The following TMEM163 variants were observed in gnomAD, a reference collection of about 807,000 sequenced individuals.
TMEM163 encodes the protein transmembrane protein 163.
A neutral mutation model predicts 29.3 loss-of-function variants in TMEM163; 17 were observed. The ratio of observed to expected loss-of-function variants is 0.58; its 90% confidence interval spans 0.40 to 0.87. TMEM163 has a LOEUF of 0.87. Ranked by LOEUF, TMEM163 falls within the 40% of genes least tolerant of loss-of-function variation. TMEM163 has a pLI of 0.00. For missense variants in TMEM163, 303 were observed against 381.5 expected (o/e 0.79, Z 1.71); for synonymous variants, 157 against 160.6 (o/e 0.98, Z 0.17).
intron 2 of TMEM163, among the ~76,000 whole-genome samples, chr2:134,627,382 G>A (rs866895792): frequency 1.3e-5 from 2 of 152,070 alleles, no homozygotes; most frequent in African/African-American, 4.8e-5. Flanking sequence ...TAATTACCAG[G>A]CTTTTCTCTT....
At chr2:134,548,537 C>A (rs1680839985) in intron 4 of TMEM163, among the ~76,000 whole-genome samples, 1 of 152,184 alleles carries the variant, frequency 6.6e-6, no homozygotes. Context: ...TATTGAATTC[C>A]TCAAATACCC....
intron 2 of TMEM163, among the ~76,000 whole-genome samples, chr2:134,649,036 G>A (rs1568121): frequency 0.5 from 75,856 of 152,014 alleles, 19,689 homozygotes; most frequent in Non-Finnish European, 0.56. Flanking sequence ...CAGAACACTG[G>A]AGACATAATT....
chr2:134,659,769 C>A (rs1215129100), intron 2 of TMEM163, among the ~76,000 whole-genome samples: 1 of 152,004 alleles, frequency 6.6e-6, no homozygotes, highest in East Asian at 1.9e-4. Context: ...GAGAGATTAA[C>A]CCCATCTCTA....
intron 2 of TMEM163, among the ~76,000 whole-genome samples, chr2:134,633,966 CATATATATAT>C (rs535811215): frequency 0.025 from 934 of 37,518 alleles, 9 homozygotes; most frequent in Non-Finnish European, 0.052. Flanking sequence ...AAAAAAAATA[CATATATATAT>C]ATATATATAT....
chr2:134,475,997 T>G (rs1686904411), intron 5 of TMEM163, among the ~76,000 whole-genome samples: 2 of 152,220 alleles, frequency 1.3e-5, no homozygotes, highest in Non-Finnish European at 2.9e-5. Context: ...AATGAAGGCA[T>G]ACGTCCACAC....
intron 2 of TMEM163, among the ~76,000 whole-genome samples, chr2:134,572,021 C>T (rs1415462399): frequency 6.6e-6 from 1 of 152,204 alleles, no homozygotes; most frequent in Non-Finnish European, 1.5e-5. Flanking sequence ...TGTTGCCAAA[C>T]AGTACCCAAG....
chr2:134,644,650 TA>T (rs1481370170), intron 2 of TMEM163, among the ~76,000 whole-genome samples: 2 of 152,066 alleles, frequency 1.3e-5, no homozygotes, highest in Non-Finnish European at 2.9e-5. Flanking sequence ...GTGTAAAACA[TA>T]AAACTATCAA....
chr2:134,702,615 A>C (rs981027901), intron 2 of TMEM163, among the ~76,000 whole-genome samples: 1 of 152,216 alleles, frequency 6.6e-6, no homozygotes, highest in Non-Finnish European at 1.5e-5. Context: ...ACTGCACTCC[A>C]GCCTGGGTGG....
intron 4 of TMEM163, among the ~76,000 whole-genome samples, chr2:134,531,034 C>T (rs1680405178): frequency 6.6e-6 from 1 of 152,158 alleles, no homozygotes; most frequent in African/African-American, 2.4e-5. Context: ...TTGTATCAAT[C>T]TGGTTTTGAT....
intron 2 of TMEM163, among the ~76,000 whole-genome samples, chr2:134,609,404 T>C: frequency 1.4e-5 from 1 of 72,006 alleles, no homozygotes; most frequent in African/African-American, 5.9e-5. Context: ...AGAACTGTAC[T>C]GGTGAAAAGG....
chr2:134,696,483 T>C (rs1684584507), intron 2 of TMEM163, among the ~76,000 whole-genome samples: 1 of 152,182 alleles, frequency 6.6e-6, no homozygotes, highest in Non-Finnish European at 1.5e-5. Flanking sequence ...AGGGTTAATA[T>C]AAGGAGAAAT....
chr2:134,584,586 CG>C (rs1430928404), intron 2 of TMEM163, among the ~76,000 whole-genome samples: 3 of 148,438 alleles, frequency 2.0e-5, no homozygotes, highest in East Asian at 2.0e-4. Flanking sequence ...TACCCAGAAA[CG>C]TAAGTTTCTT....
intron 2 of TMEM163, among the ~76,000 whole-genome samples, chr2:134,620,528 ATTACAGGGG>A (rs1682708178): frequency 6.6e-6 from 1 of 152,160 alleles, no homozygotes; most frequent in East Asian, 1.9e-4. Flanking sequence ...AAGTGCTGGG[ATTACAGGGG>A]TGAGGCACCA....
rs572137917 is a variant in TMEM163 at position 134,482,166 on chromosome 2, T to A, written c.556-15941A>T. ...CCACCACCCCCATTTTCCCATACAG[T>A]CTCATCTCAAAGATAAGACAACGAT... On this transcript the variant is annotated intron_variant, in intron 5 of 7. Coordinates refer to ENST00000281924, the MANE Select transcript of TMEM163 (RefSeq NM_030923.5). 2.0e-5 allele frequency among the ~76,000 whole-genome samples: 3 copies of A among 152,268 alleles called. No homozygotes were observed. The South Asian group carries it at 6.2e-4, about 32-fold the overall frequency.
intron 2 of TMEM163, among the ~76,000 whole-genome samples, chr2:134,584,055 C>T (rs1558953531): frequency 6.6e-6 from 1 of 152,170 alleles, no homozygotes; most frequent in Non-Finnish European, 1.5e-5. Flanking sequence ...CCTAGTAGTG[C>T]TGAATAGATG....
chr2:134,679,911 G>A (rs909454964), intron 2 of TMEM163, among the ~76,000 whole-genome samples: 12 of 119,448 alleles, frequency 1.0e-4, no homozygotes, highest in Non-Finnish European at 1.3e-4. Context: ...TAACCACACC[G>A]GCTTCCCCAG....
chr2:134,644,038 T>G (rs1429498945), intron 2 of TMEM163, among the ~76,000 whole-genome samples: 4 of 152,078 alleles, frequency 2.6e-5, no homozygotes, highest in Admixed American at 1.3e-4. Flanking sequence ...AAACATTAAA[T>G]GCAGGTAAAT....
intron 2 of TMEM163, among the ~76,000 whole-genome samples, chr2:134,586,527 G>T (rs148404272): frequency 6.6e-6 from 1 of 152,240 alleles, no homozygotes; most frequent in African/African-American, 2.4e-5. Context: ...GTTGCATTAG[G>T]TCCCACCATA....
intron 5 of TMEM163, among the ~76,000 whole-genome samples, chr2:134,494,526 C>T (rs1679502313): frequency 6.6e-6 from 1 of 152,130 alleles, no homozygotes; most frequent in South Asian, 2.1e-4. Context: ...AGAAGAGCGT[C>T]CCTGAAGGCA....
Sources: gnomAD v4.1 joint callset for allele counts (sites outside exome capture counted in the v4.1 genomes callset) on GRCh38, gnomAD v4.1.1 for gene constraint, MANE v1.5 for transcripts, NCBI Gene and HGNC (gene_info 2026-07-23, HGNC 2026-07-21) for gene names.